DCDC1: variants seen among roughly 807,000 people sequenced by gnomAD.
The protein encoded by DCDC1 is doublecortin domain-containing protein 1.
DCDC1 carries 200 observed loss-of-function variants against 178.3 expected under a neutral mutation model. That is an observed-to-expected ratio of 1.12 (90% CI 1.00 to 1.26). The LOEUF is 1.26. DCDC1 is among the 50% of genes most tolerant of loss of function. The probability of loss-of-function intolerance (pLI) is 0.00; values close to 1 mark genes in which losing one functional copy is unlikely to be tolerated. For missense variants in DCDC1, 1,983 were observed against 1,749.2 expected, an observed-to-expected ratio of 1.13 and a Z score of -2.38; for synonymous variants, 690 against 604.8, an observed-to-expected ratio of 1.14 and a Z score of -2.07.
intron 1 of DCDC1, among the ~76,000 whole-genome samples, chr11:31,357,455 T>A (rs1349823914): frequency 6.6e-6 from 1 of 151,676 alleles, no homozygotes; most frequent in Non-Finnish European, 1.5e-5. Context: ...ATAAGAGCTA[T>A]CTATGACAAA....
chr11:30,964,285 C>G (rs1378991272), intron 20 of DCDC1, among the ~76,000 whole-genome samples: 1 of 152,120 alleles, frequency 6.6e-6, no homozygotes, highest in East Asian at 1.9e-4. Context: ...GAAGATTCTT[C>G]ATAAGTTCTA....
intron 20 of DCDC1, among the ~76,000 whole-genome samples, chr11:31,031,836 C>A (rs1364149806): frequency 6.6e-6 from 1 of 152,002 alleles, no homozygotes; most frequent in African/African-American, 2.4e-5. Flanking sequence ...TAGTGTAGAG[C>A]CTGTAACTCT....
intron 20 of DCDC1, among the ~76,000 whole-genome samples, chr11:31,021,263 AACAAAGT>A (rs1299561456): frequency 1.3e-5 from 2 of 152,246 alleles, no homozygotes; most frequent in African/African-American, 4.8e-5. Flanking sequence ...ATATGCAGTG[AACAAAGT>A]ACAAGGCTAA....
intron 21 of DCDC1, among the ~76,000 whole-genome samples, chr11:30,950,205 G>A (rs1948332558): frequency 1.3e-5 from 2 of 152,022 alleles, no homozygotes; most frequent in Admixed American, 6.6e-5. Flanking sequence ...AGAATAAGAA[G>A]AAAGAGAAAC....
intron 20 of DCDC1, among the ~76,000 whole-genome samples, chr11:30,958,425 C>T (rs1948894058): frequency 6.6e-6 from 1 of 152,048 alleles, no homozygotes; most frequent in South Asian, 2.1e-4. Flanking sequence ...TTAAGAGACC[C>T]ATTTTATGGC....
intron 9 of DCDC1, among the ~76,000 whole-genome samples, chr11:31,157,726 G>C (rs1245282143): frequency 6.6e-6 from 1 of 152,114 alleles, no homozygotes. Flanking sequence ...CAGCGTTTCA[G>C]TTTGGAAAGA....
intron 20 of DCDC1, among the ~76,000 whole-genome samples, chr11:31,027,584 G>A (rs1182555039): frequency 6.6e-6 from 1 of 151,672 alleles, no homozygotes; most frequent in Non-Finnish European, 1.5e-5. Flanking sequence ...ATATAAATAG[G>A]GTTGAATAAT....
At chr11:31,016,747 A>G (rs1451481450) in intron 20 of DCDC1, among the ~76,000 whole-genome samples, 1 of 152,130 alleles carries the variant, frequency 6.6e-6, no homozygotes, top group Non-Finnish European at 1.5e-5. Context: ...GGAGCTTCAA[A>G]AATAGGGATG....
chr11:30,926,404 A>G (rs1196590665), intron 22 of DCDC1, among the ~76,000 whole-genome samples: 1 of 152,176 alleles, frequency 6.6e-6, no homozygotes, highest in East Asian at 1.9e-4. Context: ...TAGAGCAGAT[A>G]TGTGGTGTTA....
In DCDC1 at chr11:30,915,663, G is replaced by A. The variant is rs759791188; in HGVS notation, c.3501C>T (p.Phe1167=). The change falls in exon 27 of 39, where the codon TTC becomes TTT. Residue 1167 remains phenylalanine, a synonymous_variant. Coordinates refer to ENST00000684477, the MANE Select transcript of DCDC1 (RefSeq NM_001387274.1). ...TTATAATCTGCCCATCTCTGTATTCGAACTGCTGATGACAATGCTTGTGCA... is the reference window on the plus strand; with the variant it reads ...TTATAATCTGCCCATCTCTGTATTCAAACTGCTGATGACAATGCTTGTGCA... ...SKLHKHCHQQ[F]EYRDGQIISH... 1.2e-5 allele frequency: 20 copies of A among 1,613,734 alleles called. No individual in the cohort carries two copies. Among genetic ancestry groups the A allele is most frequent in the African/African-American group, 8.0e-5 (6 of 74,890 alleles).
At chr11:31,043,952 T>C (rs901173038) in intron 20 of DCDC1, among the ~76,000 whole-genome samples, 4 of 152,026 alleles carry the variant, frequency 2.6e-5, no homozygotes, top group African/African-American at 7.2e-5. Context: ...CTTTACCAGA[T>C]TGCAGGAGTG....
chr11:31,196,505 C>T (rs899758266), intron 9 of DCDC1, among the ~76,000 whole-genome samples: 5 of 152,028 alleles, frequency 3.3e-5, no homozygotes, highest in African/African-American at 4.8e-5. Context: ...TGACTCCCTC[C>T]TCAGGTTCAG....
At chr11:31,210,120 C>T (rs1972320980) in intron 9 of DCDC1, among the ~76,000 whole-genome samples, 1 of 152,202 alleles carries the variant, frequency 6.6e-6, no homozygotes, top group Non-Finnish European at 1.5e-5. Context: ...ATAAGTCAAT[C>T]ACCCTTCAAG....
intron 34 of DCDC1, 86 bp downstream of exon 34, chr11:30,899,455 G>T (rs1320319089): frequency 2.8e-6 from 2 of 722,526 alleles, no homozygotes; most frequent in East Asian, 3.1e-5. Context: ...TAAACACTTG[G>T]TATCTAATGG....
At chr11:31,024,509 A>C (rs1953094304) in intron 20 of DCDC1, among the ~76,000 whole-genome samples, 1 of 151,974 alleles carries the variant, frequency 6.6e-6, no homozygotes, top group African/African-American at 2.4e-5. Context: ...TGTAAATCTT[A>C]TGTGTGTTTT....
At chr11:31,126,964 C>A (rs1961715268) in intron 11 of DCDC1, among the ~76,000 whole-genome samples, 1 of 152,120 alleles carries the variant, frequency 6.6e-6, no homozygotes, top group Non-Finnish European at 1.5e-5. Context: ...CCAGTATATT[C>A]TTAAGTATTG....
intron 20 of DCDC1, among the ~76,000 whole-genome samples, chr11:30,983,046 T>C (rs941430529): frequency 5.9e-5 from 9 of 152,178 alleles, no homozygotes; most frequent in African/African-American, 2.2e-4. Flanking sequence ...ACAGCTGTGT[T>C]GGAAAATGCT....
At chr11:31,137,378 G>C in intron 10 of DCDC1, among the ~76,000 whole-genome samples, 1 of 139,238 alleles carries the variant, frequency 7.2e-6, no homozygotes, top group East Asian at 2.2e-4. Flanking sequence ...TTTTTACGGA[G>C]TCTCGCTGTT....
chr11:31,224,727 T>C (rs1162505997), intron 9 of DCDC1, among the ~76,000 whole-genome samples: 2 of 151,988 alleles, frequency 1.3e-5, no homozygotes, highest in Non-Finnish European at 2.9e-5. Flanking sequence ...CAAAGGAAGA[T>C]ATACAAACAG....
Sources: allele counts gnomAD v4.1 joint callset (sites outside exome capture counted in the v4.1 genomes callset), GRCh38; gene constraint gnomAD v4.1.1; transcripts MANE v1.5; gene names NCBI Gene and HGNC (gene_info 2026-07-23, HGNC 2026-07-21).